Variants in KCNMA1 observed in about 807,000 individuals in gnomAD.
KCNMA1 encodes Calcium-activated potassium channel subunit alpha-1.
Under a neutral mutation model 140.0 loss-of-function variants are expected in KCNMA1, and 29 were observed. The observed-to-expected ratio is 0.21, with a 90% confidence interval of 0.15 to 0.28. KCNMA1 has a LOEUF of 0.28. KCNMA1 is among the 10% of genes least tolerant of loss of function. The probability of loss-of-function intolerance (pLI) is 1.00; values close to 1 mark genes in which losing one functional copy is unlikely to be tolerated. For synonymous variants in KCNMA1, 612 were observed against 611.9 expected (o/e 1.00, Z 0.00); for missense variants, 880 against 1,602.2 (o/e 0.55, Z 7.70).
At chr10:76,975,830 G>C (rs1398491237) in intron 19 of KCNMA1, among the ~76,000 whole-genome samples, 1 of 152,084 alleles carries the variant, frequency 6.6e-6, no homozygotes, top group Non-Finnish European at 1.5e-5. Context: ...TTCTTTTTCT[G>C]AGACAAGGGG....
intron 1 of KCNMA1, chr10:77,636,497 G>A (rs1389536455): frequency 1.3e-6 from 2 of 1,536,184 alleles, no homozygotes; most frequent in South Asian, 1.2e-5. Context: ...GGCATTTCCG[G>A]GGACCCAAAG....
chr10:77,167,136 C>T (rs1378040573), intron 5 of KCNMA1, among the ~76,000 whole-genome samples: 2 of 152,164 alleles, frequency 1.3e-5, no homozygotes, highest in Non-Finnish European at 2.9e-5. Flanking sequence ...CCTTCCTACC[C>T]TTCCCTGCCT....
chr10:77,132,339 A>T (rs2097880786), intron 5 of KCNMA1, among the ~76,000 whole-genome samples: 1 of 152,206 alleles, frequency 6.6e-6, no homozygotes, highest in Non-Finnish European at 1.5e-5. Context: ...GTGCAAAAGA[A>T]AAACTAAGAG....
At chr10:77,189,943 G>C (rs2098925565) in intron 3 of KCNMA1, among the ~76,000 whole-genome samples, 1 of 152,138 alleles carries the variant, frequency 6.6e-6, no homozygotes, top group Non-Finnish European at 1.5e-5. Context: ...AGCCTGGCTA[G>C]GAAGAATTTC....
chr10:77,119,875 G>A (rs189335209), intron 6 of KCNMA1, among the ~76,000 whole-genome samples: 2 of 152,146 alleles, frequency 1.3e-5, no homozygotes, highest in Non-Finnish European at 2.9e-5. Context: ...GTCAGAGAGA[G>A]GAAACCAATT....
chr10:77,422,713 C>T (rs2096893392), intron 1 of KCNMA1, among the ~76,000 whole-genome samples: 1 of 152,126 alleles, frequency 6.6e-6, no homozygotes, highest in Admixed American at 6.5e-5. Context: ...TGACTGGTGT[C>T]CCTAGGAGAG....
intron 5 of KCNMA1, among the ~76,000 whole-genome samples, chr10:77,133,842 T>C (rs2097916319): frequency 6.6e-6 from 1 of 152,156 alleles, no homozygotes; most frequent in South Asian, 2.1e-4. Flanking sequence ...ACTGACCACA[T>C]ATTAGGCCAC....
chr10:77,272,067 G>T (rs1008919138), intron 2 of KCNMA1, among the ~76,000 whole-genome samples: 1 of 152,142 alleles, frequency 6.6e-6, no homozygotes, highest in African/African-American at 2.4e-5. Flanking sequence ...ATGCAGTTAG[G>T]TGCACACAGC....
At chr10:77,144,457 G>T (rs2098249106) in intron 5 of KCNMA1, among the ~76,000 whole-genome samples, 1 of 152,234 alleles carries the variant, frequency 6.6e-6, no homozygotes, top group South Asian at 2.1e-4. Flanking sequence ...TGAGCATAAA[G>T]AAACATTCCA....
intron 2 of KCNMA1, among the ~76,000 whole-genome samples, chr10:77,386,795 C>G (rs1397369092): frequency 1.3e-5 from 2 of 152,176 alleles, no homozygotes; most frequent in African/African-American, 2.4e-5. Flanking sequence ...AAATTCAAGT[C>G]AGGGCAGAAA....
rs576864026 is a variant in KCNMA1, at chr10:77,143,491, G to C, written c.809-22443C>G. On this transcript the variant is annotated intron_variant, in intron 5 of 27. Coordinates refer to ENST00000286628, the MANE Select transcript of KCNMA1 (RefSeq NM_001161352.2). Reference sequence around the variant, plus strand: ...CAAAAGCACCAATACAACTCAATGAGAAAAATAAAGTCATCGCCACAAATG... The same window carrying C: ...CAAAAGCACCAATACAACTCAATGACAAAAATAAAGTCATCGCCACAAATG... Among the ~76,000 whole-genome samples the C allele has an allele frequency of 3.7e-4, 57 of 152,120 alleles. 1 individual carries two copies. The South Asian group carries it at 0.012, about 31-fold the overall frequency.
At position 77,183,632 on chromosome 10, in the gene KCNMA1, T is replaced by C. The variant is rs41274576; in HGVS notation, c.697-100A>G. On this transcript the variant is annotated intron_variant, in intron 4 of 27. Transcript: ENST00000286628. ...TCAAAGGGTAAGTTTTGAGTTTTCATAGGGCCACCACGCCCGGCTAATTTT... is the reference window on the plus strand; with the variant it reads ...TCAAAGGGTAAGTTTTGAGTTTTCACAGGGCCACCACGCCCGGCTAATTTT... 0.021 allele frequency: 17,250 copies of C among 814,322 alleles called. 343 individuals are homozygous for C. Among genetic ancestry groups the C allele is most frequent in the South Asian group, 0.065 (4,526 of 69,350 alleles). The allele number at this position is 814,322 out of a possible 1,614,324, so 50.4% of individuals were successfully genotyped here. A position where few individuals can be genotyped will look rare whatever the true frequency, so the allele number is the denominator to read the frequency against.
At chr10:77,600,651 G>A (rs1309514562) in intron 1 of KCNMA1, among the ~76,000 whole-genome samples, 1 of 152,172 alleles carries the variant, frequency 6.6e-6, no homozygotes, top group Non-Finnish European at 1.5e-5. Flanking sequence ...AGGAGGCTGA[G>A]GCAGGAGAAT....
chr10:76,922,421 C>G (rs1361041564), intron 23 of KCNMA1, among the ~76,000 whole-genome samples: 1 of 152,148 alleles, frequency 6.6e-6, no homozygotes, highest in African/African-American at 2.4e-5. Flanking sequence ...TCCGCCCCCA[C>G]CCTGGAAACA....
At chr10:77,554,759 G>C (rs2063788807) in intron 1 of KCNMA1, among the ~76,000 whole-genome samples, 1 of 152,128 alleles carries the variant, frequency 6.6e-6, no homozygotes, top group Non-Finnish European at 1.5e-5. Context: ...TCCTGTTCCT[G>C]GAAACGGTGC....
At chr10:77,522,568 AGCTGCT>A (rs1784547724) in intron 1 of KCNMA1, among the ~76,000 whole-genome samples, 1 of 152,172 alleles carries the variant, frequency 6.6e-6, no homozygotes, top group Non-Finnish European at 1.5e-5. Flanking sequence ...CACACCTCAC[AGCTGCT>A]GCTGCCCAGA....
chr10:77,124,507 A>G (rs1483635545), intron 5 of KCNMA1, among the ~76,000 whole-genome samples: 1 of 152,178 alleles, frequency 6.6e-6, no homozygotes, highest in Non-Finnish European at 1.5e-5. Context: ...TACATATGAG[A>G]GAAAAACAAA....
intron 5 of KCNMA1, among the ~76,000 whole-genome samples, chr10:77,138,149 G>A (rs942549665): frequency 1.3e-5 from 2 of 152,124 alleles, no homozygotes; most frequent in African/African-American, 4.8e-5. Flanking sequence ...GCAGCACAGG[G>A]GTGAGGCTCC....
intron 1 of KCNMA1, among the ~76,000 whole-genome samples, chr10:77,632,725 G>A (rs1331814530): frequency 6.6e-6 from 1 of 152,170 alleles, no homozygotes; most frequent in East Asian, 1.9e-4. Context: ...CCCTTCAGGG[G>A]CTATAAGTTC....
Sources: allele counts gnomAD v4.1 joint callset (sites outside exome capture counted in the v4.1 genomes callset), GRCh38; gene constraint gnomAD v4.1.1; transcripts MANE v1.5; gene names NCBI Gene and HGNC (gene_info 2026-07-23, HGNC 2026-07-21).